Variants in PIK3C2A observed in about 807,000 individuals in gnomAD.
PIK3C2A encodes phosphatidylinositol 4-phosphate 3-kinase C2 domain-containing subunit alpha.
PIK3C2A carries 97 observed loss-of-function variants against 204.5 expected under a neutral mutation model. The observed-to-expected ratio is 0.47, with a 90% confidence interval of 0.40 to 0.56. PIK3C2A has a LOEUF of 0.56. PIK3C2A is among the 20% of genes least tolerant of loss of function. The probability of loss-of-function intolerance (pLI) is 0.00; values close to 1 mark genes in which losing one functional copy is unlikely to be tolerated. For missense variants in PIK3C2A, 1,735 were observed against 1,969.2 expected (o/e 0.88, Z 2.25); for synonymous variants, 653 against 664.4 (o/e 0.98, Z 0.26).
At chr11:17,148,210 A>G (rs1850311105) in intron 5 of PIK3C2A, 1 of 149,050 alleles carries the variant, frequency 6.7e-6, no homozygotes, top group Non-Finnish European at 1.5e-5. Context: ...TCCGTCTCAA[A>G]AAAAAAAAAA....
At chr11:17,101,956 G>A (rs777347136) in intron 24 of PIK3C2A, among the ~76,000 whole-genome samples, 9 of 152,004 alleles carry the variant, frequency 5.9e-5, no homozygotes, top group Non-Finnish European at 1.3e-4. Context: ...ATTATTTAGA[G>A]AGAACTTATG....
At chr11:17,121,323 T>A (rs926860886) in intron 15 of PIK3C2A, among the ~76,000 whole-genome samples, 5 of 151,490 alleles carry the variant, frequency 3.3e-5, no homozygotes, top group Non-Finnish European at 5.9e-5. Flanking sequence ...CACTATATTG[T>A]CAGTGTTGGT....
intron 8 of PIK3C2A, among the ~76,000 whole-genome samples, chr11:17,140,033 A>T (rs1850008571): frequency 2.0e-5 from 3 of 152,158 alleles, no homozygotes; most frequent in Admixed American, 2.0e-4. Flanking sequence ...CTTGCCTCAA[A>T]ACCCCTACTG....
intron 1 of PIK3C2A, chr11:17,194,060 A>G (rs1397440174): frequency 7.6e-6 from 3 of 396,052 alleles, no homozygotes; most frequent in Non-Finnish European, 1.4e-5. Context: ...TGGTGAGGCT[A>G]TGAAGGCCCT....
chr11:17,188,684 C>T (rs2137544746), intron 1 of PIK3C2A, among the ~76,000 whole-genome samples: 1 of 147,012 alleles, frequency 6.8e-6, no homozygotes, highest in Admixed American at 6.6e-5. Context: ...CAGGTCTTCA[C>T]TAAATACACA....
chr11:17,163,064 G>T (rs1054908055), intron 2 of PIK3C2A, among the ~76,000 whole-genome samples: 2 of 152,114 alleles, frequency 1.3e-5, no homozygotes, highest in Non-Finnish European at 2.9e-5. Context: ...CCAGCACTTG[G>T]GGGGACTGAG....
chr11:17,206,631 GCT>G (rs1852586777), intron 1 of PIK3C2A, among the ~76,000 whole-genome samples: 2 of 151,506 alleles, frequency 1.3e-5, no homozygotes, highest in African/African-American at 4.8e-5. Flanking sequence ...TGGCAGAGCT[GCT>G]AAAGGAGTCT....
At chr11:17,107,706 G>A (rs1848869759) in intron 22 of PIK3C2A, among the ~76,000 whole-genome samples, 1 of 152,188 alleles carries the variant, frequency 6.6e-6, no homozygotes, top group South Asian at 2.1e-4. Flanking sequence ...AGATGCATTT[G>A]TGTTAAAATA....
At chr11:17,192,688 C>G (rs1272225750) in intron 1 of PIK3C2A, among the ~76,000 whole-genome samples, 1 of 152,224 alleles carries the variant, frequency 6.6e-6, no homozygotes, top group Non-Finnish European at 1.5e-5. Flanking sequence ...CTCAAGTGAT[C>G]TGCCCTCCTC....
At chr11:17,101,851 C>T (rs1420130951) in intron 24 of PIK3C2A, among the ~76,000 whole-genome samples, 2 of 151,962 alleles carry the variant, frequency 1.3e-5, no homozygotes, top group African/African-American at 4.8e-5. Context: ...GATCCGCCCG[C>T]CTTGGCCTCC....
chr11:17,165,411 A>G (rs1273808437), intron 2 of PIK3C2A, among the ~76,000 whole-genome samples: 1 of 152,188 alleles, frequency 6.6e-6, no homozygotes, highest in Non-Finnish European at 1.5e-5. Flanking sequence ...CATTTGAACC[A>G]TATTTGAATA....
At chr11:17,145,322 A>C (rs1850201432) in intron 8 of PIK3C2A, among the ~76,000 whole-genome samples, 2 of 152,078 alleles carry the variant, frequency 1.3e-5, no homozygotes, top group Admixed American at 6.6e-5. Flanking sequence ...GTGGGACCAG[A>C]TGGCAATAAA....
intron 12 of PIK3C2A, among the ~76,000 whole-genome samples, chr11:17,129,889 A>G (rs1447690177): frequency 6.6e-6 from 1 of 152,212 alleles, no homozygotes; most frequent in African/African-American, 2.4e-5. Context: ...GCCAGCCTCA[A>G]ATAATCTTTA....
rs556061363 is a variant in PIK3C2A, at chr11:17,194,395, T to C, written c.-66+13453A>G. On this transcript the variant is annotated intron_variant, in intron 1 of 32. Transcript: ENST00000691414. The stretch of plus-strand genomic sequence containing the variant: ...ATGGGGCTGGGGTCCTCACCTCCTG[T>C]GCTATTTGTACAAATAAACCTGAGG... 1.4e-5 allele frequency: 3 copies of C among 209,526 alleles called. No individual in the cohort carries two copies. The South Asian group carries it at 4.4e-4, about 31-fold the overall frequency. The allele number at this position is 209,526 out of a possible 1,614,324, so 13.0% of individuals were successfully genotyped here.
intron 1 of PIK3C2A, among the ~76,000 whole-genome samples, chr11:17,173,140 C>G (rs1403503829): frequency 6.6e-6 from 1 of 152,228 alleles, no homozygotes; most frequent in African/African-American, 2.4e-5. Flanking sequence ...TCACAGCTTT[C>G]TCTTCTTCAC....
chr11:17,093,826 G>A (rs374005658), intron 28 of PIK3C2A, among the ~76,000 whole-genome samples: 28 of 151,884 alleles, frequency 1.8e-4, no homozygotes, highest in African/African-American at 6.0e-4. Context: ...TTATAGAGAT[G>A]GGGTTTCGCC....
Position 17,097,159 on chromosome 11 carries a change from G to A in PIK3C2A, c.4224C>T (p.Ile1408=), listed in dbSNP as rs1848479074. The A allele has an allele frequency of 6.2e-7, 1 of 1,610,814 alleles. No individual in the cohort carries two copies. Among genetic ancestry groups the A allele is most frequent in the East Asian group, 2.2e-5 (1 of 44,818 alleles). ...AGTATGTTTTAGGTGAAAATGAAAG[G>A]ATGGGCTCATCATTAGAAGGAAGAC... The part of the protein sequence containing the change: ...FSGLPSNDEP[I]LSFSPKTYSF... Residue 1408 remains isoleucine, a synonymous_variant, in exon 27 of 33, where the codon ATC becomes ATT. Coordinates refer to ENST00000691414, the MANE Select transcript of PIK3C2A (RefSeq NM_002645.4).
At chr11:17,139,233 C>CTT (rs770906529) in intron 8 of PIK3C2A, among the ~76,000 whole-genome samples, 2 of 133,066 alleles carry the variant, frequency 1.5e-5, no homozygotes, top group African/African-American at 2.8e-5. Context: ...TTAAATTTCC[C>CTT]TTTTTTTTTT....
In PIK3C2A at chr11:17,112,665, G is replaced by A. The variant is rs201773952; in HGVS notation, c.3323C>T (p.Ser1108Leu). ...SLVAKELNIK[S>L]CSFFSSNAVP... is the part of the protein sequence containing the mutation. Reference sequence around the variant, plus strand: ...AGCATTAGAACTGAAGAAGGAACACGACTGCAAATACAACATGTTAAGCAT... The same window carrying A: ...AGCATTAGAACTGAAGAAGGAACACAACTGCAAATACAACATGTTAAGCAT... The change falls in exon 21 of 33, where the codon TCG becomes TTG. Residue 1108 changes from serine (S) to leucine (L), a missense_variant and splice_region_variant. Ser to Leu is a moderately radical substitution (Grantham distance 145, BLOSUM62 -2). Transcript: ENST00000691414. 7.5e-5 allele frequency: 110 copies of A among 1,464,466 alleles called. No homozygotes were observed. The highest frequency in any genetic ancestry group is 2.8e-5 in the South Asian group (2 of 72,254). 90.7% of individuals were successfully genotyped at this position (1,464,466 alleles called of 1,614,324 possible).
Sources: allele counts gnomAD v4.1 joint callset (sites outside exome capture counted in the v4.1 genomes callset), GRCh38; gene constraint gnomAD v4.1.1; transcripts MANE v1.5; gene names NCBI Gene and HGNC (gene_info 2026-07-23, HGNC 2026-07-21).